Variants in TASOR2 observed in about 807,000 individuals in gnomAD.
TASOR2 encodes the protein transcription activation suppressor family member 2, also known as protein TASOR 2.
A neutral mutation model predicts 199.5 loss-of-function variants in TASOR2; 84 were observed. That is an observed-to-expected ratio of 0.42 (90% CI 0.35 to 0.50). TASOR2 has a LOEUF of 0.50. Ranked by LOEUF, TASOR2 falls within the 20% of genes least tolerant of loss-of-function variation. The pLI, the probability that TASOR2 is intolerant of heterozygous loss-of-function variation, is 0.02. For synonymous variants in TASOR2, 1,103 were observed against 1,046.6 expected (o/e 1.05, Z -1.04); for missense variants, 2,796 against 2,835.9 (o/e 0.99, Z 0.32).
chr10:5,743,462 T>C (rs1836715150), intron 14 of TASOR2, among the ~76,000 whole-genome samples: 2 of 152,200 alleles, frequency 1.3e-5, no homozygotes, highest in African/African-American at 2.4e-5. Context: ...CCCCATTACA[T>C]AGATGACGAG....
intron 14 of TASOR2, among the ~76,000 whole-genome samples, chr10:5,745,937 A>C (rs76974615): frequency 0.024 from 3,655 of 152,248 alleles, 54 homozygotes; most frequent in South Asian, 0.037. Flanking sequence ...AAAAGCTTGG[A>C]GCTCTCTTCT....
At chr10:5,746,932 C>T (rs1167035525) in exon 15 of TASOR2, 1 of 1,614,228 alleles carries the variant, frequency 6.2e-7, no homozygotes, top group Non-Finnish European at 8.5e-7. Context: ...TTCTAGTCAT[C>T]TATCACCCAG....
At chr10:5,732,046 T>C (rs1834887390) in intron 11 of TASOR2, among the ~76,000 whole-genome samples, 1 of 152,182 alleles carries the variant, frequency 6.6e-6, no homozygotes, top group South Asian at 2.1e-4. Flanking sequence ...CCCTGAAAAA[T>C]TGAGTGAGAA....
At position 5,719,656 on chromosome 10, in the gene TASOR2, T is replaced by TC. The variant is rs1247096004; in HGVS notation, c.-99-888_-99-887insC. On this transcript the variant is annotated intron_variant, in intron 3 of 20. Coordinates refer to ENST00000328090, the Ensembl canonical transcript of TASOR2. The surrounding 1 kb of genome is among the most constrained non-coding windows in gnomAD (Gnocchi z 4.1). ...TGTGCCCAGCTGCTTGCTTTTTTCT[T>TC]TTTTTTTGGAGAGACATGTAACCCT... 6.6e-6 allele frequency among the ~76,000 whole-genome samples: 1 copy of TC among 151,920 alleles called. No individual in the cohort carries two copies. Among genetic ancestry groups the TC allele is most frequent in the Non-Finnish European group, 1.5e-5 (1 of 67,956 alleles).
At position 5,740,334 on chromosome 10, in the gene TASOR2, C is replaced by T. The variant is rs543913469; in HGVS notation, c.2164C>T (p.Pro722Ser). ...CCCCGTGGTGAAGCCCAAGGATCGA[C>T]CACCGTCTGCCCGTGTGAAAAAATC... Residue 722 changes from proline (P) to serine (S), a missense_variant, in exon 13 of 21, where the codon CCA becomes TCA. Physicochemically the swap from Pro to Ser is moderately conservative, Grantham distance 74. This residue lies in a region of TASOR2 where 847 missense variants were observed against 887.4 expected (regional missense o/e 0.95). Transcript: ENST00000328090. The surrounding 1 kb of genome is among the most constrained non-coding windows in gnomAD (Gnocchi z 5.3). The T allele has an allele frequency of 1.9e-6, 3 of 1,614,240 alleles. No individual in the cohort carries two copies. In the South Asian group the frequency reaches 3.3e-5, roughly 18 times the overall value.
intron 1 of TASOR2, among the ~76,000 whole-genome samples, chr10:5,704,000 A>T (rs1280368350): frequency 1.3e-5 from 2 of 151,674 alleles, no homozygotes; most frequent in Non-Finnish European, 2.9e-5. Context: ...AGGTGGGTGG[A>T]TCCACCTGAG....
chr10:5,747,724 A>G, exon 15 of TASOR2: 1 of 1,614,222 alleles, frequency 6.2e-7, no homozygotes, highest in South Asian at 1.1e-5. Flanking sequence ...GTGTGAGAAG[A>G]GCAACCAAAT....
chr10:5,761,294 G>A (rs772378861), exon 19 of TASOR2: 2 of 1,611,690 alleles, frequency 1.2e-6, no homozygotes, highest in African/African-American at 2.7e-5. Context: ...TCACAGAGTG[G>A]ATTCAACTGC....
Position 5,748,440 on chromosome 10 carries a change from A to T in TASOR2, c.5019A>T (p.Pro1673=). The change falls in exon 15 of 21, where the codon CCA becomes CCT. Residue 1673 remains proline (P), a synonymous_variant. Transcript: ENST00000328090. This position sits in a 1 kb window ranked among gnomAD's most constrained non-coding sequence, Gnocchi z 5.1. ...CTACATTAACCCATTATGTAAGACC[A>T]ATAAATGCAGAGCCAGTGTTTCAAG... The T allele has an allele frequency of 1.2e-6, 2 of 1,614,234 alleles. No individual in the cohort carries two copies. Among genetic ancestry groups the T allele is most frequent in the Non-Finnish European group, 1.7e-6 (2 of 1,180,046 alleles).
At position 5,742,601 on chromosome 10, in the gene TASOR2, C is replaced by G; in HGVS notation, c.2757+75C>G. On this transcript the variant is annotated intron_variant, in intron 14 of 20. Transcript: ENST00000328090. This position sits in a 1 kb window ranked among gnomAD's most constrained non-coding sequence, Gnocchi z 4.2. ...AAATGTTTATATGTAAAATCACATT[C>G]AAAACAAGGCATTTTTAAATTTTAG... is the stretch of plus-strand genomic sequence containing the variant. The G allele has an allele frequency of 2.2e-6, 3 of 1,368,270 alleles. No individual in the cohort carries two copies. The highest frequency in any genetic ancestry group is 4.7e-5 in the East Asian group (2 of 42,724). The allele number at this position is 1,368,270 out of a possible 1,614,324, so 84.8% of individuals were successfully genotyped here.
In TASOR2 at chr10:5,748,637, G is replaced by A; in HGVS notation, c.5216G>A (p.Cys1739Tyr). The A allele has an allele frequency of 6.2e-7, 1 of 1,614,226 alleles. No homozygotes were observed. Among genetic ancestry groups the A allele is most frequent in the Non-Finnish European group, 8.5e-7 (1 of 1,180,042 alleles). The change falls in exon 15 of 21, where the codon TGT (cysteine) becomes TAT (tyrosine). Residue 1739 changes from cysteine (C) to tyrosine (Y), a missense_variant. This residue lies in a region of TASOR2 where 1,941 missense variants were observed against 1,924.9 expected (regional missense o/e 1.01). Transcript: ENST00000328090. The surrounding 1 kb of genome is among the most constrained non-coding windows in gnomAD (Gnocchi z 5.1). Reference sequence around the variant, plus strand: ...CACACGCTGCAAGATGTGTCAACATGTGAAACAAAGGAGCTATTGAATGTC... The same window carrying A: ...CACACGCTGCAAGATGTGTCAACATATGAAACAAAGGAGCTATTGAATGTC...
chr10:5,760,249 G>C (rs1027033042), intron 18 of TASOR2, among the ~76,000 whole-genome samples: 11 of 152,182 alleles, frequency 7.2e-5, no homozygotes, highest in African/African-American at 2.4e-4. Context: ...AATTACAGTA[G>C]TATAATTTTA....
In TASOR2 at chr10:5,748,834, G is replaced by C; in HGVS notation, c.5413G>C (p.Ala1805Pro). The change falls in exon 15 of 21, where the codon GCT (alanine) becomes CCT (proline). Residue 1805 changes from alanine (A) to proline (P), a missense_variant. Ala to Pro is a conservative substitution (Grantham distance 27, BLOSUM62 -1). Around this residue, in one of 3 missense-constraint regions of TASOR2, gnomAD observed 1,941 missense variants for 1,924.9 expected, o/e 1.01. Transcript: ENST00000328090. This position sits in a 1 kb window ranked among gnomAD's most constrained non-coding sequence, Gnocchi z 5.1. ...CAGTGGGGAGGGGCTCAGGGCTGAG[G>C]CTGGTTCTGAAACCCTAGGCAGAGA... is the stretch of plus-strand genomic sequence containing the variant. 1 of 1,614,160 alleles carries C rather than the reference G, an allele frequency of 6.2e-7. No individual in the cohort carries two copies. Among genetic ancestry groups the C allele is most frequent in the Non-Finnish European group, 8.5e-7 (1 of 1,180,028 alleles).
At chr10:5,757,952 A>T (rs942213480) in intron 17 of TASOR2, among the ~76,000 whole-genome samples, 1 of 152,058 alleles carries the variant, frequency 6.6e-6, no homozygotes, top group Admixed American at 6.5e-5. Flanking sequence ...CAAATTCAGG[A>T]TTTTATTATA....
rs947016366 is a variant in TASOR2, at chr10:5,685,234, G to A, written c.-288+59G>A. 2 of 397,432 alleles carry A rather than the reference G, an allele frequency of 5.0e-6. No homozygotes were observed. Among genetic ancestry groups the A allele is most frequent in the African/African-American group, 4.1e-5 (2 of 48,562 alleles). 24.6% of individuals were successfully genotyped at this position (397,432 alleles called of 1,614,324 possible). On this transcript the variant is annotated intron_variant, in intron 1 of 20. Transcript: ENST00000328090. The surrounding 1 kb of genome is among the most constrained non-coding windows in gnomAD (Gnocchi z 5.4). ...CCTGCGAGGAGGACGGCGGGTCCCC[G>A]AGGCCGAGCGCTCGGGCAGCTGCCG...
intron 10 of TASOR2, among the ~76,000 whole-genome samples, chr10:5,729,338 A>ACT (rs34171938): frequency 1 from 151,559 of 152,304 alleles, 75,415 homozygotes; most frequent in East Asian, 1. Context: ...ACAGAGCAAG[A>ACT]CTGAGTTAAA....
At position 5,687,126 on chromosome 10, in the gene TASOR2, CG is replaced by C. The variant is rs1354305229; in HGVS notation, c.-288+1952del. 2.0e-5 allele frequency among the ~76,000 whole-genome samples: 3 copies of C among 151,986 alleles called. No homozygotes were observed. On this transcript the variant is annotated intron_variant, in intron 1 of 20. Transcript: ENST00000328090. The surrounding 1 kb of genome is among the most constrained non-coding windows in gnomAD (Gnocchi z 4.8). ...ATGTCATTAATATGTACTGACAAAG[CG>C]TATCTGTGTAATAAATATGCTTTTT...
At chr10:5,759,031 T>G in intron 18 of TASOR2, 39 bp downstream of exon 19, 1 of 1,471,154 alleles carries the variant, frequency 6.8e-7, no homozygotes, top group Non-Finnish European at 9.5e-7. Context: ...CCTGCCCTGC[T>G]GGGGTAGCAG....
At chr10:5,696,267 C>T (rs1426671064) in intron 1 of TASOR2, among the ~76,000 whole-genome samples, 1 of 152,168 alleles carries the variant, frequency 6.6e-6, no homozygotes, top group Non-Finnish European at 1.5e-5. Flanking sequence ...TATGGAAATT[C>T]ACCCGATTGA....
Sources: allele counts gnomAD v4.1 joint callset (sites outside exome capture counted in the v4.1 genomes callset), GRCh38; gene constraint gnomAD v4.1.1; regional missense constraint gnomAD v4.1.1; non-coding constraint Gnocchi (gnomAD v3.1); transcripts MANE v1.5; gene names NCBI Gene and HGNC (gene_info 2026-07-23, HGNC 2026-07-21).